CREBBP: variants seen among roughly 807,000 people sequenced by gnomAD.
CREBBP encodes the protein CREB-binding protein.
A neutral mutation model predicts 265.0 loss-of-function variants in CREBBP; 19 were observed. That is an observed-to-expected ratio of 0.07 (90% CI 0.05 to 0.11). CREBBP has a LOEUF of 0.11. Ranked by LOEUF, CREBBP falls within the 10% of genes least tolerant of loss-of-function variation. The pLI is 1.00. For synonymous variants in CREBBP, 1,457 were observed against 1,223.7 expected (o/e 1.19, Z -3.98); for missense variants, 2,525 against 3,219.0 (o/e 0.78, Z 5.22).
intron 30 of CREBBP, among the ~76,000 whole-genome samples, chr16:3,730,881 G>C (rs2051895553): frequency 6.6e-6 from 1 of 152,222 alleles, no homozygotes; most frequent in Non-Finnish European, 1.5e-5. Flanking sequence ...AGGGGCCCAA[G>C]CTGCCAACAG....
At chr16:3,864,902 A>C (rs2055146592) in intron 1 of CREBBP, among the ~76,000 whole-genome samples, 1 of 152,212 alleles carries the variant, frequency 6.6e-6, no homozygotes, top group South Asian at 2.1e-4. Context: ...CCCCTCCTTT[A>C]CTAAAAATAC....
In CREBBP at chr16:3,728,997, G is replaced by C. The variant is rs368367342; in HGVS notation, c.6050C>G (p.Pro2017Arg). ...GGGCGCCTGCTGCCACTGCCCGGGA[G>C]GCATGCTGGGCATGACGGGCCCGCT... ...QVSGPVMPSMPPGQWQQAPLP... is the reference protein window; with the variant it reads ...QVSGPVMPSMRPGQWQQAPLP... The change falls in exon 31 of 31, where the codon CCT (proline) becomes CGT (arginine). Residue 2017 changes from proline to arginine, a missense_variant. Coordinates refer to ENST00000262367, the MANE Select transcript of CREBBP (RefSeq NM_004380.3). The surrounding 1 kb of genome is among the most constrained non-coding windows in gnomAD (Gnocchi z 8.7). The C allele has an allele frequency of 6.3e-7, 1 of 1,594,194 alleles. No homozygotes were observed. The highest frequency in any genetic ancestry group is 8.5e-7 in the Non-Finnish European group (1 of 1,175,830).
At chr16:3,745,219 A>G in intron 22 of CREBBP, 58 bp downstream of exon 22, 1 of 1,487,864 alleles carries the variant, frequency 6.7e-7, no homozygotes, top group Non-Finnish European at 9.3e-7. Context: ...AGCCACTGCA[A>G]CTGCCCCGCC....
intron 3 of CREBBP, among the ~76,000 whole-genome samples, chr16:3,801,149 C>T (rs2053704288): frequency 6.6e-6 from 1 of 152,134 alleles, no homozygotes; most frequent in African/African-American, 2.4e-5. Flanking sequence ...GATGAGCCAA[C>T]CAACTAGCAG....
intron 2 of CREBBP, among the ~76,000 whole-genome samples, chr16:3,849,446 T>TGTGTGTGTGTGTGGG: frequency 3.0e-5 from 1 of 33,652 alleles, no homozygotes; most frequent in Non-Finnish European, 9.8e-5. Flanking sequence ...TGTGTGTGTG[T>TGTGTGTGTGTGTGGG]GTGTGTGTGT....
In CREBBP at chr16:3,728,505, T is replaced by A. The variant is rs768978068; in HGVS notation, c.6542A>T (p.Asn2181Ile). ...GTACTGTGGATTCATACTCGCCATG[T>A]TGGGGTTGTGTCCTGGGTTCATGAT... ...LNIMNPGHNPNMASMNPQYRE... is the reference protein window; with the variant it reads ...LNIMNPGHNPIMASMNPQYRE... The change falls in exon 31 of 31, where the codon AAC becomes ATC. Residue 2181 changes from asparagine to isoleucine, a missense_variant. By Grantham distance (149) the Asn-to-Ile change is moderately radical (BLOSUM62 -3). Around this residue, in one of 19 missense-constraint regions of CREBBP, gnomAD observed 473 missense variants for 459.3 expected, o/e 1.03. Coordinates refer to ENST00000262367, the MANE Select transcript of CREBBP (RefSeq NM_004380.3). The surrounding 1 kb of genome is among the most constrained non-coding windows in gnomAD (Gnocchi z 8.7). 6.2e-7 allele frequency: 1 copy of A among 1,613,952 alleles called. No homozygotes were observed. Among genetic ancestry groups the A allele is most frequent in the Non-Finnish European group, 8.5e-7 (1 of 1,179,964 alleles).
chr16:3,849,441 G>GACCT (rs2054762823), intron 2 of CREBBP, among the ~76,000 whole-genome samples: 3 of 17,942 alleles, frequency 1.7e-4, no homozygotes, highest in African/African-American at 3.1e-4. Flanking sequence ...GTGTGTGTGT[G>GACCT]TGTGTGTGTG....
rs752845092 is a variant in CREBBP, at chr16:3,769,334, C to A, written c.2900G>T (p.Ser967Ile). The part of the protein sequence containing the change: ...PGTPLSQAAA[S>I]IDNRVPTPSS... The stretch of plus-strand genomic sequence containing the variant: ...GGGGGTAGGGACTCTGTTATCAATG[C>A]TGGCTGCTGCCTGGGAAAGCTGTGA... Residue 967 changes from serine to isoleucine, a missense_variant, in exon 15 of 31, where the codon AGC becomes ATC. By Grantham distance (142) the Ser-to-Ile change is moderately radical. Around this residue, in one of 19 missense-constraint regions of CREBBP, gnomAD observed 548 missense variants for 533.0 expected, o/e 1.03. Coordinates refer to ENST00000262367, the MANE Select transcript of CREBBP (RefSeq NM_004380.3). 6.2e-7 allele frequency: 1 copy of A among 1,614,210 alleles called. No homozygotes were observed. The highest frequency in any genetic ancestry group is 8.5e-7 in the Non-Finnish European group (1 of 1,180,038).
intron 1 of CREBBP, among the ~76,000 whole-genome samples, chr16:3,856,959 A>G (rs1174296750): frequency 6.6e-6 from 1 of 152,164 alleles, no homozygotes; most frequent in African/African-American, 2.4e-5. Context: ...TCAGTGTAGA[A>G]CAATGGGAAC....
chr16:3,766,256 C>T (rs1412490107), intron 16 of CREBBP, among the ~76,000 whole-genome samples: 2 of 152,208 alleles, frequency 1.3e-5, no homozygotes, highest in African/African-American at 4.8e-5. Flanking sequence ...AAGAAACCTT[C>T]ACTGGCTGAA....
At chr16:3,838,378 A>G (rs2054499314) in intron 2 of CREBBP, among the ~76,000 whole-genome samples, 1 of 152,166 alleles carries the variant, frequency 6.6e-6, no homozygotes, top group Non-Finnish European at 1.5e-5. Context: ...CTAGCATAAC[A>G]TAATCACTTA....
rs758660168 is a variant in CREBBP at position 3,769,374 on chromosome 16, C to A, written c.2881-21G>T. On this transcript the variant is annotated intron_variant, in intron 14 of 30. Transcript: ENST00000262367. ...GAAAGCTGTGAAAAAACCGAAAGCA[C>A]TGACTTCAGTAAGCAAGGTAACATA... 1.9e-6 allele frequency: 3 copies of A among 1,614,108 alleles called. No homozygotes were observed. In the Admixed American group the frequency reaches 5.0e-5, roughly 27 times the overall value.
intron 1 of CREBBP, among the ~76,000 whole-genome samples, chr16:3,863,401 A>G (rs2141554453): frequency 6.6e-6 from 1 of 152,260 alleles, no homozygotes. Context: ...TCAGGAGATC[A>G]AGACCCGTCT....
chr16:3,756,503 T>C (rs2052590014), intron 19 of CREBBP, among the ~76,000 whole-genome samples: 1 of 152,264 alleles, frequency 6.6e-6, no homozygotes, highest in Non-Finnish European at 1.5e-5. Flanking sequence ...GCCATCTTCA[T>C]ATTCCAAAAG....
intron 3 of CREBBP, among the ~76,000 whole-genome samples, chr16:3,809,256 C>T (rs1170377488): frequency 6.6e-6 from 1 of 152,032 alleles, no homozygotes; most frequent in Non-Finnish European, 1.5e-5. Context: ...CCGCTCACTG[C>T]AACCTCCACC....
intron 23 of CREBBP, chr16:3,741,740 G>C (rs2052215091): frequency 6.6e-6 from 1 of 151,902 alleles, no homozygotes; most frequent in Admixed American, 6.6e-5. Context: ...AGGAGTTCGA[G>C]ACCAGCCTGG....
intron 23 of CREBBP, 123 bp downstream of exon 23, chr16:3,744,771 C>G (rs566547796): frequency 2.5e-6 from 2 of 795,850 alleles, no homozygotes; most frequent in African/African-American, 3.4e-5. Context: ...AAAAAACTAA[C>G]GAAAATCTTT....
chr16:3,801,806 T>A (rs1360670137), intron 3 of CREBBP, among the ~76,000 whole-genome samples: 1 of 152,170 alleles, frequency 6.6e-6, no homozygotes, highest in Non-Finnish European at 1.5e-5. Context: ...GCAATATGTG[T>A]TTCTGGAGCG....
intron 3 of CREBBP, among the ~76,000 whole-genome samples, chr16:3,810,252 C>G (rs1047341960): frequency 2.1e-4 from 32 of 152,172 alleles, no homozygotes; most frequent in African/African-American, 7.5e-4. Context: ...CAATGGGCTT[C>G]TACTGACATC....
Sources: allele counts gnomAD v4.1 joint callset (sites outside exome capture counted in the v4.1 genomes callset), GRCh38; gene constraint gnomAD v4.1.1; regional missense constraint gnomAD v4.1.1; non-coding constraint Gnocchi (gnomAD v3.1); transcripts MANE v1.5; gene names NCBI Gene and HGNC (gene_info 2026-07-23, HGNC 2026-07-21).